NRXN3: variants seen among roughly 807,000 people sequenced by gnomAD.
The protein encoded by NRXN3 is neurexin 3.
NRXN3 carries 32 observed loss-of-function variants against 137.6 expected under a neutral mutation model. The ratio of observed to expected loss-of-function variants is 0.23; its 90% CI spans 0.18 to 0.31. The LOEUF is 0.31. Ranked by LOEUF, NRXN3 falls within the 10% of genes least tolerant of loss-of-function variation. The pLI, the probability that NRXN3 is intolerant of heterozygous loss-of-function variation, is 1.00. For synonymous variants in NRXN3, 798 were observed against 784.5 expected (o/e 1.02, Z -0.29); for missense variants, 1,574 against 2,062.5 (o/e 0.76, Z 4.59).
In NRXN3 at chr14:79,713,517, T is replaced by A. The variant is rs1299498349; in HGVS notation, c.4014+15580T>A. On this transcript the variant is annotated intron_variant, in intron 19 of 20. Transcript: ENST00000335750. The stretch of plus-strand genomic sequence containing the variant: ...ATATATTTGAACATTTTGCCTTGGG[T>A]TAGAGAGGGAATTGGTGGTACAGTA... 4.2e-5 allele frequency among the ~76,000 whole-genome samples: 6 copies of A among 141,330 alleles called. No homozygotes were observed. In the East Asian group the frequency reaches 1.3e-3, roughly 30 times the overall value. 92.7% of individuals were successfully genotyped at this position (141,330 alleles called of 152,430 possible).
chr14:78,902,564 G>T (rs2099200170), intron 10 of NRXN3, among the ~76,000 whole-genome samples: 1 of 151,994 alleles, frequency 6.6e-6, no homozygotes, highest in African/African-American at 2.4e-5. Context: ...GGGAGGAGGA[G>T]AAGTTATAAA....
intron 4 of NRXN3, among the ~76,000 whole-genome samples, chr14:78,356,755 T>C (rs1051986627): frequency 6.6e-6 from 1 of 152,254 alleles, no homozygotes; most frequent in Non-Finnish European, 1.5e-5. Context: ...GTGGCTTTCA[T>C]TATATGCCAG....
At position 78,242,865 on chromosome 14, in the gene NRXN3, T is replaced by G. The variant is rs1346450397; in HGVS notation, c.-229T>G. On this transcript the variant is annotated 5_prime_UTR_variant, in exon 2 of 21. Coordinates refer to ENST00000335750, the MANE Select transcript of NRXN3 (RefSeq NM_001330195.2). ...CTCTTCTGCTGGTCCTGTCTTTTTC[T>G]ACTGCCTCTTTATTCAATTTCTTGC... 1.3e-5 allele frequency: 6 copies of G among 477,034 alleles called. No homozygotes were observed. Among genetic ancestry groups the G allele is most frequent in the Non-Finnish European group, 3.7e-6 (1 of 273,590 alleles). 29.6% of individuals were successfully genotyped at this position (477,034 alleles called of 1,614,324 possible).
chr14:79,782,530 T>C (rs1477413697), intron 19 of NRXN3, among the ~76,000 whole-genome samples: 4 of 152,198 alleles, frequency 2.6e-5, no homozygotes, highest in Non-Finnish European at 5.9e-5. Flanking sequence ...GGCTAGTATA[T>C]GGTTGATGGA....
chr14:78,952,133 A>T (rs2099388310), intron 10 of NRXN3, among the ~76,000 whole-genome samples: 1 of 152,196 alleles, frequency 6.6e-6, no homozygotes, highest in African/African-American at 2.4e-5. Context: ...TGTAGGAGGT[A>T]TGGCAGCTAT....
chr14:78,593,576 A>C (rs973592887), intron 4 of NRXN3, among the ~76,000 whole-genome samples: 1 of 152,106 alleles, frequency 6.6e-6, no homozygotes, highest in African/African-American at 2.4e-5. Context: ...AACAATGTGG[A>C]TGTGCCTTGG....
intron 4 of NRXN3, among the ~76,000 whole-genome samples, chr14:78,618,258 C>CT (rs79670263): frequency 0.014 from 1,976 of 142,626 alleles, 40 homozygotes; most frequent in African/African-American, 0.045. Flanking sequence ...TGTGCTATAC[C>CT]TTTTTTTTTT....
At chr14:78,370,990 T>A (rs1421921921) in intron 4 of NRXN3, among the ~76,000 whole-genome samples, 2 of 152,212 alleles carry the variant, frequency 1.3e-5, no homozygotes, top group African/African-American at 4.8e-5. Context: ...AGAGCTTATA[T>A]GTATCTGGGA....
intron 4 of NRXN3, among the ~76,000 whole-genome samples, chr14:78,538,208 T>A (rs2096554921): frequency 6.6e-6 from 1 of 152,216 alleles, no homozygotes; most frequent in African/African-American, 2.4e-5. Flanking sequence ...TTGGGCAGTA[T>A]GGCCATTTTC....
intron 3 of NRXN3, among the ~76,000 whole-genome samples, chr14:78,278,940 G>A (rs1167454417): frequency 6.6e-6 from 1 of 152,156 alleles, no homozygotes; most frequent in Non-Finnish European, 1.5e-5. Flanking sequence ...TTTTGGGAAA[G>A]TATTTGTAAA....
intron 8 of NRXN3, among the ~76,000 whole-genome samples, chr14:78,769,061 G>A (rs1167517151): frequency 6.6e-6 from 1 of 152,086 alleles, no homozygotes; most frequent in Admixed American, 6.6e-5. Context: ...GGTTTCTTTG[G>A]CAGTCAGTCC....
intron 19 of NRXN3, among the ~76,000 whole-genome samples, chr14:79,747,516 T>C (rs1261606789): frequency 1.3e-5 from 2 of 152,002 alleles, no homozygotes; most frequent in African/African-American, 2.4e-5. Context: ...AAATATCCTA[T>C]TGTGGAATTC....
intron 4 of NRXN3, among the ~76,000 whole-genome samples, chr14:78,329,307 T>C (rs1457266996): frequency 1.3e-5 from 2 of 152,214 alleles, no homozygotes; most frequent in Non-Finnish European, 2.9e-5. Context: ...TGAATCATTC[T>C]GCAACACGAG....
intron 1 of NRXN3, among the ~76,000 whole-genome samples, chr14:78,202,033 G>A (rs1451315688): frequency 3.3e-5 from 5 of 152,222 alleles, no homozygotes; most frequent in African/African-American, 1.2e-4. Context: ...TGGGTGGCTG[G>A]TTCAGGTGCA....
At chr14:79,056,238 A>T (rs918540821) in intron 15 of NRXN3, among the ~76,000 whole-genome samples, 6 of 152,168 alleles carry the variant, frequency 3.9e-5, no homozygotes, top group African/African-American at 1.4e-4. Context: ...ATCATGTGAA[A>T]CAGAGAGATG....
intron 15 of NRXN3, among the ~76,000 whole-genome samples, chr14:79,206,987 T>C (rs1348868046): frequency 6.6e-6 from 1 of 152,174 alleles, no homozygotes; most frequent in Non-Finnish European, 1.5e-5. Flanking sequence ...TTACAGATGT[T>C]AGCCTGTTCA....
intron 15 of NRXN3, among the ~76,000 whole-genome samples, chr14:79,239,705 T>C: frequency 6.6e-6 from 1 of 152,172 alleles, no homozygotes; most frequent in Non-Finnish European, 1.5e-5. Context: ...TGCACTCTCA[T>C]GTTCATTGCA....
At chr14:79,265,255 T>A (rs1325309766) in intron 15 of NRXN3, among the ~76,000 whole-genome samples, 26 of 145,910 alleles carry the variant, frequency 1.8e-4, no homozygotes, top group Admixed American at 5.4e-4. Flanking sequence ...TTTTTTTTTT[T>A]AAATTTTCCT....
rs182670933 is a variant in NRXN3 at position 78,690,646 on chromosome 14, G to A, written c.1222-18571G>A. Among the ~76,000 whole-genome samples the A allele has an allele frequency of 8.5e-5, 13 of 152,236 alleles. No individual in the cohort carries two copies. The East Asian group carries it at 2.1e-3, about 25-fold the overall frequency. On this transcript the variant is annotated intron_variant, in intron 6 of 20. Transcript: ENST00000335750. The stretch of plus-strand genomic sequence containing the variant: ...GGGTGGAGAAAATGAATATAAAAAA[G>A]ATTGGATATGGAATTAAATGGACTT...
Sources: gnomAD v4.1 joint callset for allele counts (sites outside exome capture counted in the v4.1 genomes callset) on GRCh38, gnomAD v4.1.1 for gene constraint, MANE v1.5 for transcripts, NCBI Gene and HGNC (gene_info 2026-07-23, HGNC 2026-07-21) for gene names.